Variants in MED13L observed in about 807,000 individuals in gnomAD.
MED13L encodes mediator of RNA polymerase II transcription subunit 13-like.
In MED13L, 7 loss-of-function variants were observed where a neutral mutation model predicts 220.9. The ratio of observed to expected loss-of-function variants is 0.03; its 90% confidence interval spans 0.02 to 0.06. The LOEUF (loss-of-function observed/expected upper bound fraction) is 0.06. Among genes scored for constraint, MED13L ranks in the 10% least tolerant of loss-of-function variants. MED13L has a pLI of 1.00. For missense variants in MED13L, 1,965 were observed against 2,760.5 expected, an observed-to-expected ratio of 0.71 and a Z score of 6.46; for synonymous variants, 1,011 against 1,015.2, an observed-to-expected ratio of 1.00 and a Z score of 0.08.
At chr12:116,016,687 G>C (rs1879744993) in intron 7 of MED13L, among the ~76,000 whole-genome samples, 1 of 152,170 alleles carries the variant, frequency 6.6e-6, no homozygotes, top group Admixed American at 6.5e-5. Flanking sequence ...AAGCTTTTCA[G>C]TGGCACTTAA....
At chr12:116,064,922 G>A (rs192901627) in intron 4 of MED13L, among the ~76,000 whole-genome samples, 17 of 152,200 alleles carry the variant, frequency 1.1e-4, no homozygotes, top group African/African-American at 3.1e-4. Flanking sequence ...CATATAGTCC[G>A]CTTTAAAATA....
intron 4 of MED13L, among the ~76,000 whole-genome samples, chr12:116,061,286 G>A (rs2137635867): frequency 6.6e-6 from 1 of 151,866 alleles, no homozygotes; most frequent in Admixed American, 6.6e-5. Context: ...AAATCCAGAT[G>A]CATTTTTATT....
chr12:116,133,200 A>C (rs1876231824), intron 2 of MED13L, among the ~76,000 whole-genome samples: 1 of 152,218 alleles, frequency 6.6e-6, no homozygotes, highest in Admixed American at 6.5e-5. Flanking sequence ...AACCAATCTC[A>C]CCAGAGTTTG....
intron 17 of MED13L, among the ~76,000 whole-genome samples, chr12:115,988,975 G>C (rs1877883452): frequency 6.6e-6 from 1 of 152,182 alleles, no homozygotes; most frequent in African/African-American, 2.4e-5. Context: ...CACTGTGCTT[G>C]AACCTAAGCA....
chr12:115,980,659 G>A, intron 23 of MED13L, 91 bp downstream of exon 23: 5 of 1,385,768 alleles, frequency 3.6e-6, no homozygotes, highest in Non-Finnish European at 5.1e-6. Flanking sequence ...GACCAACTAA[G>A]CAACCAGCCA....
intron 2 of MED13L, among the ~76,000 whole-genome samples, chr12:116,140,032 C>T (rs1469682850): frequency 4.0e-5 from 6 of 150,616 alleles, no homozygotes; most frequent in Non-Finnish European, 8.9e-5. Context: ...ACACAGTTTC[C>T]AAAGGCAGAC....
chr12:116,133,417 G>A (rs1028033231), intron 2 of MED13L, among the ~76,000 whole-genome samples: 1 of 152,114 alleles, frequency 6.6e-6, no homozygotes, highest in Admixed American at 6.5e-5. Context: ...GCCTGAAGAA[G>A]AGCTCAATTC....
At chr12:116,003,974 T>C (rs1878898576) in intron 13 of MED13L, among the ~76,000 whole-genome samples, 1 of 152,224 alleles carries the variant, frequency 6.6e-6, no homozygotes, top group Non-Finnish European at 1.5e-5. Context: ...GAAAATTTGA[T>C]TGAAAATGTC....
At chr12:116,174,542 T>C (rs1879909155) in intron 2 of MED13L, 1 of 151,820 alleles carries the variant, frequency 6.6e-6, no homozygotes, top group African/African-American at 2.4e-5. Context: ...GAACCTAAGG[T>C]CAAAGCATAT....
intron 2 of MED13L, among the ~76,000 whole-genome samples, chr12:116,236,307 T>C (rs1204434507): frequency 1.3e-5 from 2 of 152,098 alleles, no homozygotes; most frequent in Admixed American, 1.3e-4. Context: ...AAATGGACCA[T>C]AAAGTAAACA....
At position 115,987,047 on chromosome 12, in the gene MED13L, C is replaced by T. The variant is rs113687610; in HGVS notation, c.4114+62G>A. On this transcript the variant is annotated intron_variant, in intron 18 of 30. Coordinates refer to ENST00000281928, the MANE Select transcript of MED13L (RefSeq NM_015335.5). The stretch of plus-strand genomic sequence containing the variant: ...GACGCAAGGACTTGACAGTAACTAA[C>T]GCTGCTCTTCACTGAACAGCACTGA... 3.9e-5 allele frequency: 60 copies of T among 1,539,082 alleles called. 5 individuals carry two copies. In the African/African-American group the frequency reaches 4.2e-4, roughly 11 times the overall value.
chr12:116,037,764 C>G (rs756599803), intron 4 of MED13L, among the ~76,000 whole-genome samples: 4 of 152,130 alleles, frequency 2.6e-5, no homozygotes, highest in Non-Finnish European at 4.4e-5. Flanking sequence ...CTTAATTCTC[C>G]CTGGGTACAT....
chr12:116,276,502 T>C (rs928155842), intron 1 of MED13L: 85 of 1,286,962 alleles, frequency 6.6e-5, no homozygotes, highest in Non-Finnish European at 7.7e-5. Flanking sequence ...CGGCTGTCGA[T>C]GTTTACAATC....
At chr12:115,993,943 G>T (rs2137316845) in intron 16 of MED13L, among the ~76,000 whole-genome samples, 1 of 152,302 alleles carries the variant, frequency 6.6e-6, no homozygotes, top group East Asian at 1.9e-4. Context: ...TGACAAAGGA[G>T]GAGTCCAGGG....
At chr12:115,992,077 G>C in intron 16 of MED13L, 120 bp from the exon 17 acceptor site, 1 of 882,840 alleles carries the variant, frequency 1.1e-6, no homozygotes, top group South Asian at 1.4e-5. Context: ...CTATCACTGG[G>C]ATACACTGGT....
chr12:116,037,669 G>C (rs1002788219), intron 4 of MED13L, among the ~76,000 whole-genome samples: 1 of 152,042 alleles, frequency 6.6e-6, no homozygotes, highest in Non-Finnish European at 1.5e-5. Context: ...CAGACTGTAG[G>C]ATACCATTCC....
At chr12:116,047,235 C>T (rs1010809354) in intron 4 of MED13L, among the ~76,000 whole-genome samples, 2 of 151,610 alleles carry the variant, frequency 1.3e-5, no homozygotes, top group Non-Finnish European at 2.9e-5. Context: ...ATGCTAGTAA[C>T]CCTAGCTACT....
chr12:116,277,020 T>TACCCCGCCCAGCCCCCGCCCCCCCCCCA, intron 1 of MED13L, 40 bp downstream of exon 1: 1 of 777,550 alleles, frequency 1.3e-6, no homozygotes, highest in Non-Finnish European at 2.0e-6. Flanking sequence ...ACCCCCCCCC[T>TACCCCGCCCAGCCCCCGCCCCCCCCCCA]TCCCCGGCAC....
intron 1 of MED13L, among the ~76,000 whole-genome samples, chr12:116,260,044 G>C (rs1872391711): frequency 6.6e-6 from 1 of 152,166 alleles, no homozygotes; most frequent in South Asian, 2.1e-4. Context: ...TGATCTAATG[G>C]AGCGGCTGGA....
Sources: allele counts gnomAD v4.1 joint callset (sites outside exome capture counted in the v4.1 genomes callset), GRCh38; gene constraint gnomAD v4.1.1; transcripts MANE v1.5; gene names NCBI Gene and HGNC (gene_info 2026-07-23, HGNC 2026-07-21).